CHGB: variants seen among roughly 807,000 people sequenced by gnomAD.
The protein encoded by CHGB is chromogranin B, also known as secretogranin-1.
In CHGB, 46 loss-of-function variants were observed where a neutral mutation model predicts 69.9. That is an observed-to-expected ratio of 0.66 (90% CI 0.52 to 0.84). The LOEUF (loss-of-function observed/expected upper bound fraction) is 0.84, where lower values mean the gene tolerates loss of function less well. Among genes scored for constraint, CHGB ranks in the 40% least tolerant of loss-of-function variants. The probability of loss-of-function intolerance (pLI) is 0.00; values close to 1 mark genes in which losing one functional copy is unlikely to be tolerated. For synonymous variants in CHGB, 312 were observed against 298.2 expected, an observed-to-expected ratio of 1.05 and a Z score of -0.48; for missense variants, 796 against 822.2, an observed-to-expected ratio of 0.97 and a Z score of 0.39.
At chr20:5,918,148 T>TAAAAAAA (rs10647882) in intron 3 of CHGB, among the ~76,000 whole-genome samples, 13 of 86,074 alleles carry the variant, frequency 1.5e-4, no homozygotes, top group African/African-American at 4.9e-4. Context: ...AGACTCCATC[T>TAAAAAAA]AAAAAAAAAA....
intron 1 of CHGB, among the ~76,000 whole-genome samples, chr20:5,914,351 G>A (rs2088463683): frequency 6.6e-6 from 1 of 152,064 alleles, no homozygotes; most frequent in African/African-American, 2.4e-5. Context: ...AAAGAGATCT[G>A]AAGAGCCTCA....
intron 3 of CHGB, among the ~76,000 whole-genome samples, chr20:5,918,579 G>A (rs971337666): frequency 4.6e-5 from 7 of 151,852 alleles, no homozygotes; most frequent in Non-Finnish European, 8.8e-5. Flanking sequence ...TTGGGAGGCT[G>A]AGGCGGGCGG....
At chr20:5,917,243 C>G in intron 3 of CHGB, 1 of 255,366 alleles carries the variant, frequency 3.9e-6, no homozygotes, top group East Asian at 8.7e-5. Flanking sequence ...TTTTTAGAAC[C>G]GGACTTCCTT....
chr20:5,916,102 A>G (rs2088473888), intron 1 of CHGB: 1 of 574,532 alleles, frequency 1.7e-6, no homozygotes, highest in Non-Finnish European at 3.1e-6. Context: ...TGTAACCAGC[A>G]CTGAGATTAA....
chr20:5,917,077 A>G, intron 3 of CHGB, 158 bp downstream of exon 3: 1 of 689,086 alleles, frequency 1.5e-6, no homozygotes, highest in Non-Finnish European at 2.6e-6. Flanking sequence ...GACAGAAGAT[A>G]TGACTCCTAG....
intron 3 of CHGB, among the ~76,000 whole-genome samples, chr20:5,918,162 A>AAAACAAACAAAC (rs1568550370): frequency 1.3e-5 from 2 of 149,326 alleles, no homozygotes; most frequent in South Asian, 4.2e-4. Flanking sequence ...AAAAAAAAAA[A>AAAACAAACAAAC]AAAAAAAAAC....
In CHGB at chr20:5,922,927, A is replaced by G. The variant is rs1168934857; in HGVS notation, c.783A>G (p.Glu261=). 6.2e-7 allele frequency: 1 copy of G among 1,613,016 alleles called. No homozygotes were observed. The highest frequency in any genetic ancestry group is 1.7e-5 in the Admixed American group (1 of 59,818). ...CTAAAGGCCAACCCCGAAGCCAGGA[A>G]GAATCTGAGGAAGGTGAGGAAGATG... ...QESKGQPRSQ[E]ESEEGEEDAT... Residue 261 remains glutamate (E), a synonymous_variant, in exon 4 of 5, where the codon GAA becomes GAG. Coordinates refer to ENST00000378961, the MANE Select transcript of CHGB (RefSeq NM_001819.3).
Position 5,922,622 on chromosome 20 carries a change from A to G in CHGB, c.478A>G (p.Ser160Gly). ...EEVKTRHSEK[S>G]QREDEEEEEG... ...AGTGAAGACACGCCATTCTGAGAAG[A>G]GCCAGAGAGAGGATGAGGAGGAGGA... The change falls in exon 4 of 5, where the codon AGC (serine) becomes GGC (glycine). Residue 160 changes from serine to glycine, a missense_variant. By Grantham distance (56) the Ser-to-Gly change is moderately conservative. Around this residue, in one of 3 missense-constraint regions of CHGB, gnomAD observed 518 missense variants for 506.3 expected, o/e 1.02. Transcript: ENST00000378961. The G allele has an allele frequency of 6.2e-7, 1 of 1,614,194 alleles. No homozygotes were observed. Among genetic ancestry groups the G allele is most frequent in the East Asian group, 2.2e-5 (1 of 44,876 alleles).
Position 5,925,216 on chromosome 20 carries a change from A to G in CHGB, c.*167A>G. On this transcript the variant is annotated 3_prime_UTR_variant, in exon 5 of 5. Coordinates refer to ENST00000378961, the MANE Select transcript of CHGB (RefSeq NM_001819.3). Reference sequence around the variant, plus strand: ...TGTCTTTAATTTCTGTCAGAATGCTATTGAAAATGTGAATTGCATGACTTG... The same window carrying G: ...TGTCTTTAATTTCTGTCAGAATGCTGTTGAAAATGTGAATTGCATGACTTG... 7.8e-6 allele frequency: 4 copies of G among 513,734 alleles called. No individual in the cohort carries two copies. The highest frequency in any genetic ancestry group is 3.8e-5 in the Admixed American group (1 of 26,350). 31.8% of individuals were successfully genotyped at this position (513,734 alleles called of 1,614,324 possible).
At chr20:5,918,148 TAA>T (rs10647882) in intron 3 of CHGB, among the ~76,000 whole-genome samples, 2,206 of 85,992 alleles carry the variant, frequency 0.026, 72 homozygotes, top group African/African-American at 0.1. Flanking sequence ...AGACTCCATC[TAA>T]AAAAAAAAAA....
intron 3 of CHGB, among the ~76,000 whole-genome samples, chr20:5,919,841 C>T (rs1382792767): frequency 6.6e-6 from 1 of 152,216 alleles, no homozygotes; most frequent in Non-Finnish European, 1.5e-5. Context: ...TCCACTCCCA[C>T]TCCTACTTGC....
chr20:5,914,077 C>G (rs1187083011), intron 1 of CHGB, among the ~76,000 whole-genome samples: 5 of 152,092 alleles, frequency 3.3e-5, no homozygotes. Flanking sequence ...AATTTTTCTA[C>G]CATTTGATTG....
chr20:5,915,226 GA>G (rs1252422617), intron 1 of CHGB, among the ~76,000 whole-genome samples: 2 of 151,884 alleles, frequency 1.3e-5, no homozygotes, highest in African/African-American at 4.8e-5. Flanking sequence ...CTTTGAGACA[GA>G]AAAAAAATGG....
chr20:5,915,372 A>T (rs2088469366), intron 1 of CHGB: 1 of 152,200 alleles, frequency 6.6e-6, no homozygotes, highest in Non-Finnish European at 1.5e-5. Context: ...ATTCTTATAA[A>T]CCAATGGTTA....
Position 5,923,445 on chromosome 20 carries a change from C to T in CHGB, c.1301C>T (p.Thr434Ile). 6.2e-7 allele frequency: 1 copy of T among 1,614,052 alleles called. No homozygotes were observed. The highest frequency in any genetic ancestry group is 8.5e-7 in the Non-Finnish European group (1 of 1,180,028). ...CCACGTGCCTATTTCATGTCTGACA[C>T]CAGAGAAGAGAAAAGGTTCTTGGGT... ...GEPRAYFMSD[T>I]REEKRFLGEG... Residue 434 changes from threonine to isoleucine, a missense_variant, in exon 4 of 5, where the codon ACC becomes ATC. Thr to Ile is a moderately conservative substitution (Grantham distance 89). Around this residue, in one of 3 missense-constraint regions of CHGB, gnomAD observed 274 missense variants for 298.9 expected, o/e 0.92. Transcript: ENST00000378961.
intron 3 of CHGB, among the ~76,000 whole-genome samples, chr20:5,922,050 A>G (rs1431320924): frequency 6.6e-6 from 1 of 152,206 alleles, no homozygotes; most frequent in Admixed American, 6.5e-5. Context: ...TATTTCATAA[A>G]TCTATATCTC....
chr20:5,920,210 A>G (rs1315694225), intron 3 of CHGB, among the ~76,000 whole-genome samples: 1 of 152,204 alleles, frequency 6.6e-6, no homozygotes, highest in African/African-American at 2.4e-5. Context: ...TTGGGAAAAA[A>G]TAAAAATACT....
At chr20:5,915,092 T>G (rs2088467918) in intron 1 of CHGB, among the ~76,000 whole-genome samples, 1 of 152,230 alleles carries the variant, frequency 6.6e-6, no homozygotes, top group Non-Finnish European at 1.5e-5. Flanking sequence ...TAGCGTCTCC[T>G]GCTCAGTTGC....
intron 4 of CHGB, among the ~76,000 whole-genome samples, chr20:5,924,339 G>C (rs745678156): frequency 2.0e-5 from 3 of 152,118 alleles, no homozygotes; most frequent in Non-Finnish European, 2.9e-5. Context: ...TGCACACTGG[G>C]GTCACCTGGA....
Sources: gnomAD v4.1 joint callset for allele counts (sites outside exome capture counted in the v4.1 genomes callset) on GRCh38, gnomAD v4.1.1 for gene constraint, gnomAD v4.1.1 regional missense constraint, MANE v1.5 for transcripts, NCBI Gene and HGNC (gene_info 2026-07-23, HGNC 2026-07-21) for gene names.